The following PIEZO2 variants were observed in gnomAD, a reference collection of about 807,000 sequenced individuals.
PIEZO2 encodes the protein piezo type mechanosensitive ion channel component 2, also known as piezo-type mechanosensitive ion channel component 2.
Under a neutral mutation model 337.3 loss-of-function variants are expected in PIEZO2, and 172 were observed. That is an observed-to-expected ratio of 0.51 (90% CI 0.45 to 0.58). The LOEUF (loss-of-function observed/expected upper bound fraction) is 0.58, where lower values mean the gene tolerates loss of function less well. Ranked by LOEUF, PIEZO2 falls within the 20% of genes least tolerant of loss-of-function variation. The probability of loss-of-function intolerance (pLI) is 0.00; values close to 1 mark genes in which losing one functional copy is unlikely to be tolerated. For synonymous variants in PIEZO2, 1,251 were observed against 1,228.5 expected, an observed-to-expected ratio of 1.02 and a Z score of -0.38; for missense variants, 3,028 against 3,391.3, an observed-to-expected ratio of 0.89 and a Z score of 2.66.
chr18:10,726,192 GGTGCGA>G lies in PIEZO2; in HGVS notation c.5029+5209_5029+5214del, dbSNP rs2036530273. Among the ~76,000 whole-genome samples, 1 of 152,090 alleles carries G rather than the reference GGTGCGA, an allele frequency of 6.6e-6. No individual in the cohort carries two copies. The highest frequency in any genetic ancestry group is 1.5e-5 in the Non-Finnish European group (1 of 68,014). On this transcript the variant is annotated intron_variant, in intron 36 of 55. Coordinates refer to ENST00000674853, the MANE Select transcript of PIEZO2 (RefSeq NM_001378183.1). The surrounding 1 kb of genome is among the most constrained non-coding windows in gnomAD (Gnocchi z 5.9). ...ATATGTGAGCAACTGTGGATCCTTG[GGTGCGA>G]GTCCACCGGAGGAGGGGCTTCACGC...
At chr18:10,782,069 A>AAT (rs959325309) in intron 17 of PIEZO2, among the ~76,000 whole-genome samples, 12 of 148,176 alleles carry the variant, frequency 8.1e-5, no homozygotes, top group Non-Finnish European at 1.8e-4. Context: ...AGTTGCTAAA[A>AAT]ATATATATAT....
intron 12 of PIEZO2, among the ~76,000 whole-genome samples, chr18:10,797,036 C>T (rs1598493204): frequency 6.6e-6 from 1 of 151,818 alleles, no homozygotes; most frequent in Non-Finnish European, 1.5e-5. Context: ...TCATATCTTA[C>T]ATACCATCAT....
chr18:10,886,400 A>ATGTGTGTGTGTGTG (rs1568165674), intron 4 of PIEZO2, among the ~76,000 whole-genome samples: 1 of 57,344 alleles, frequency 1.7e-5, no homozygotes, highest in African/African-American at 1.3e-4. Context: ...ATATATATAT[A>ATGTGTGTGTGTGTG]TATATATATA....
chr18:10,957,131 G>A (rs2033571766), intron 3 of PIEZO2, among the ~76,000 whole-genome samples: 1 of 152,140 alleles, frequency 6.6e-6, no homozygotes, highest in Admixed American at 6.5e-5. Context: ...AGGTGCAGTG[G>A]CTCACGCCTG....
At chr18:10,736,253 A>C (rs1440393930) in intron 34 of PIEZO2, among the ~76,000 whole-genome samples, 1 of 151,898 alleles carries the variant, frequency 6.6e-6, no homozygotes, top group Admixed American at 6.6e-5. Context: ...ATGTAAGTCC[A>C]TTCAAGCAAT....
In PIEZO2 at chr18:10,993,767, T is replaced by G. The variant is rs904329758; in HGVS notation, c.161-14107A>C. ...TGGTCTCGATCTCCTGACTTCGTGATCTGCCCGCTTCGGCCTCCCAAAGTG... is the reference window on the plus strand; with the variant it reads ...TGGTCTCGATCTCCTGACTTCGTGAGCTGCCCGCTTCGGCCTCCCAAAGTG... On this transcript the variant is annotated intron_variant, in intron 2 of 55. Transcript: ENST00000674853. This position sits in a 1 kb window ranked among gnomAD's most constrained non-coding sequence, Gnocchi z 5.0. Among the ~76,000 whole-genome samples, 7 of 152,204 alleles carry G rather than the reference T, an allele frequency of 4.6e-5. No individual in the cohort carries two copies. Among genetic ancestry groups the G allele is most frequent in the African/African-American group, 1.7e-4 (7 of 41,450 alleles).
In PIEZO2 at chr18:11,062,247, C is replaced by T. The variant is rs1369268324; in HGVS notation, c.160+3880G>A. Among the ~76,000 whole-genome samples the T allele has an allele frequency of 3.3e-5, 5 of 151,504 alleles. No individual in the cohort carries two copies. The East Asian group carries it at 9.7e-4, about 29-fold the overall frequency. On this transcript the variant is annotated intron_variant, in intron 2 of 55. Transcript: ENST00000674853. ...CTGGATCCCTTCCTTACACCTTATA[C>T]AAAAATTAATTCAAGATGGATTAAA...
chr18:10,732,036 G>A (rs1050291137), intron 35 of PIEZO2, among the ~76,000 whole-genome samples: 1 of 152,090 alleles, frequency 6.6e-6, no homozygotes, highest in Non-Finnish European at 1.5e-5. Context: ...TTAGTACTTT[G>A]CGAGGAAAAA....
At chr18:11,020,518 G>A (rs2036272577) in intron 2 of PIEZO2, among the ~76,000 whole-genome samples, 1 of 152,090 alleles carries the variant, frequency 6.6e-6, no homozygotes, top group African/African-American at 2.4e-5. Flanking sequence ...GACTTTTACT[G>A]ATGTATTTTT....
chr18:10,849,894 A>C (rs1400750572), intron 7 of PIEZO2, among the ~76,000 whole-genome samples: 1 of 152,218 alleles, frequency 6.6e-6, no homozygotes, highest in Non-Finnish European at 1.5e-5. Flanking sequence ...TTTGAATGGT[A>C]TATTACTGGT....
rs75649909 is a variant in PIEZO2 at position 11,127,199 on chromosome 18, C to T, written c.64+21326G>A. On this transcript the variant is annotated intron_variant, in intron 1 of 55. Coordinates refer to ENST00000674853, the MANE Select transcript of PIEZO2 (RefSeq NM_001378183.1). This position sits in a 1 kb window ranked among gnomAD's most constrained non-coding sequence, Gnocchi z 4.5. ...ACCAGGATCAGGTGTTTGAGGGGTG[C>T]GGAAAGAGGTCCCTGAGGAGGTGAC... Among the ~76,000 whole-genome samples the T allele has an allele frequency of 0.01, 1,555 of 152,042 alleles. 30 individuals carry two copies. Among genetic ancestry groups the T allele is most frequent in the African/African-American group, 0.036 (1,472 of 41,456 alleles).
intron 36 of PIEZO2, among the ~76,000 whole-genome samples, chr18:10,720,209 TATATATGA>T (rs1567982902): frequency 6.8e-6 from 1 of 146,202 alleles, no homozygotes; most frequent in Non-Finnish European, 1.5e-5. Context: ...TATATATATG[TATATATGA>T]ATATATGTGT....
intron 2 of PIEZO2, among the ~76,000 whole-genome samples, chr18:10,991,155 TACACACACACAC>T (rs374157292): frequency 1.4e-4 from 20 of 140,642 alleles, no homozygotes; most frequent in Admixed American, 1.2e-3. Flanking sequence ...GAAGGTTTTA[TACACACACACAC>T]ACACACACAC....
At position 10,995,751 on chromosome 18, in the gene PIEZO2, T is replaced by C. The variant is rs146310742; in HGVS notation, c.161-16091A>G. 7.9e-3 allele frequency among the ~76,000 whole-genome samples: 1,198 copies of C among 152,262 alleles called. 45 individuals carry two copies. The highest frequency in any genetic ancestry group is 0.07 in the Admixed American group (1,071 of 15,294). On this transcript the variant is annotated intron_variant, in intron 2 of 55. Transcript: ENST00000674853. The stretch of plus-strand genomic sequence containing the variant: ...CATAGGCCTCTTTCCAGTGACTGTG[T>C]TCACCCCTGCCCTCCAGGGCTGTGG...
chr18:10,851,053 G>C (rs2144667888), intron 7 of PIEZO2, among the ~76,000 whole-genome samples: 1 of 151,644 alleles, frequency 6.6e-6, no homozygotes, highest in East Asian at 1.9e-4. Context: ...GAGTCTCCGT[G>C]GTTATGAAAT....
At chr18:10,700,973 T>G (rs2035305457) in intron 43 of PIEZO2, among the ~76,000 whole-genome samples, 1 of 152,100 alleles carries the variant, frequency 6.6e-6, no homozygotes, top group Admixed American at 6.5e-5. Context: ...CTGACCAGAG[T>G]ACACTCAGAT....
In PIEZO2 at chr18:11,078,034, ACC is replaced by A; in HGVS notation, c.65-11814_65-11813del. On this transcript the variant is annotated intron_variant, in intron 1 of 55. Coordinates refer to ENST00000674853, the MANE Select transcript of PIEZO2 (RefSeq NM_001378183.1). The surrounding 1 kb of genome is among the most constrained non-coding windows in gnomAD (Gnocchi z 5.3). Reference sequence around the variant, plus strand: ...CAAAAACACATGTGCGTGCACACACACCCACACACACCCACACACACACACAC... The same window carrying A: ...CAAAAACACATGTGCGTGCACACACACACACACACCCACACACACACACAC... 2.5e-5 allele frequency among the ~76,000 whole-genome samples: 3 copies of A among 118,922 alleles called. No individual in the cohort carries two copies. Among genetic ancestry groups the A allele is most frequent in the Admixed American group, 8.2e-5 (1 of 12,218 alleles). 78.0% of individuals were successfully genotyped at this position (118,922 alleles called of 152,430 possible). A position where few individuals can be genotyped will look rare whatever the true frequency, so the allele number is the denominator to read the frequency against.
intron 2 of PIEZO2, among the ~76,000 whole-genome samples, chr18:11,059,805 A>G (rs2037872449): frequency 6.6e-6 from 1 of 152,160 alleles, no homozygotes; most frequent in East Asian, 1.9e-4. Context: ...CACAATAATA[A>G]TGGGAGACTT....
intron 10 of PIEZO2, 53 bp from the exon 11 acceptor site, chr18:10,800,528 A>G (rs981746989): frequency 1.4e-6 from 2 of 1,480,818 alleles, no homozygotes; most frequent in African/African-American, 1.4e-5. Context: ...TGGGTTTTCA[A>G]TGCAGACATA....
Sources: allele counts gnomAD v4.1 joint callset (sites outside exome capture counted in the v4.1 genomes callset), GRCh38; gene constraint gnomAD v4.1.1; non-coding constraint Gnocchi (gnomAD v3.1); transcripts MANE v1.5; gene names NCBI Gene and HGNC (gene_info 2026-07-23, HGNC 2026-07-21).